The following ELP4 variants were observed in gnomAD, a reference collection of about 807,000 sequenced individuals.
ELP4 encodes elongator acetyltransferase complex subunit 4.
In ELP4, 51 loss-of-function variants were observed where a neutral mutation model predicts 48.9. The ratio of observed to expected loss-of-function variants is 1.04; its 90% confidence interval spans 0.83 to 1.32. ELP4 has a LOEUF of 1.32. ELP4 is among the 40% of genes most tolerant of loss of function. ELP4 has a pLI of 0.00. For missense variants in ELP4, 519 were observed against 514.6 expected, an observed-to-expected ratio of 1.01 and a Z score of -0.08; for synonymous variants, 210 against 189.2, an observed-to-expected ratio of 1.11 and a Z score of -0.90.
intron 9 of ELP4, among the ~76,000 whole-genome samples, chr11:31,761,450 A>AAG (rs1326621278): frequency 1.3e-5 from 2 of 152,190 alleles, no homozygotes; most frequent in Non-Finnish European, 2.9e-5. Flanking sequence ...ATGGAAATGG[A>AAG]AGGAGTCAAT....
intron 9 of ELP4, among the ~76,000 whole-genome samples, chr11:31,758,951 C>T (rs1178236650): frequency 6.6e-6 from 1 of 152,038 alleles, no homozygotes; most frequent in African/African-American, 2.4e-5. Context: ...ATTTTTAAAA[C>T]GTTTAATGAT....
intron 9 of ELP4, among the ~76,000 whole-genome samples, chr11:31,702,130 G>T (rs1946536699): frequency 6.6e-6 from 1 of 151,912 alleles, no homozygotes; most frequent in Non-Finnish European, 1.5e-5. Context: ...GAGATTTTGA[G>T]ATGTTGATTA....
intron 9 of ELP4, among the ~76,000 whole-genome samples, chr11:31,777,001 A>G (rs1282542676): frequency 1.3e-5 from 2 of 152,186 alleles, no homozygotes; most frequent in Non-Finnish European, 2.9e-5. Flanking sequence ...CCACTGGCCT[A>G]TTCATATATG....
intron 9 of ELP4, among the ~76,000 whole-genome samples, chr11:31,702,394 G>A (rs1473354726): frequency 2.6e-5 from 4 of 151,812 alleles, no homozygotes; most frequent in South Asian, 4.2e-4. Flanking sequence ...AGAGGAGAAT[G>A]GAATTTATTG....
chr11:31,544,852 C>A (rs1239661646), intron 3 of ELP4, among the ~76,000 whole-genome samples: 1 of 152,170 alleles, frequency 6.6e-6, no homozygotes, highest in Admixed American at 6.5e-5. Context: ...CACGAAAAAC[C>A]ACTGTTCTGC....
At chr11:31,581,684 C>A (rs1034459861) in intron 3 of ELP4, among the ~76,000 whole-genome samples, 1 of 151,912 alleles carries the variant, frequency 6.6e-6, no homozygotes, top group African/African-American at 2.4e-5. Context: ...ATCTAAAATA[C>A]CCTATTTCAG....
At chr11:31,694,414 T>G (rs1946353309) in intron 9 of ELP4, among the ~76,000 whole-genome samples, 1 of 152,238 alleles carries the variant, frequency 6.6e-6, no homozygotes, top group East Asian at 1.9e-4. Flanking sequence ...ATTTATTGAA[T>G]AGGGAATCCT....
At chr11:31,528,957 G>A (rs1462449943) in intron 2 of ELP4, among the ~76,000 whole-genome samples, 1 of 151,892 alleles carries the variant, frequency 6.6e-6, no homozygotes, top group East Asian at 1.9e-4. Flanking sequence ...GATTGCCCAG[G>A]TTTATACTTG....
chr11:31,754,885 C>T (rs1947800636), intron 9 of ELP4, among the ~76,000 whole-genome samples: 1 of 152,050 alleles, frequency 6.6e-6, no homozygotes, highest in Admixed American at 6.6e-5. Context: ...AATAAATCCT[C>T]TCCCTGGCCT....
At chr11:31,743,694 A>G (rs1401139637) in intron 9 of ELP4, among the ~76,000 whole-genome samples, 3 of 152,208 alleles carry the variant, frequency 2.0e-5, no homozygotes, top group Non-Finnish European at 4.4e-5. Context: ...GTTCTTTGCA[A>G]CCAACGAGAA....
intron 9 of ELP4, among the ~76,000 whole-genome samples, chr11:31,703,763 C>T (rs116569666): frequency 3.9e-5 from 6 of 152,028 alleles, no homozygotes; most frequent in Non-Finnish European, 7.4e-5. Flanking sequence ...CAAAGTGTTT[C>T]CTGATTGAAA....
chr11:31,550,441 A>T (rs942061161), intron 3 of ELP4, among the ~76,000 whole-genome samples: 1 of 152,194 alleles, frequency 6.6e-6, no homozygotes, highest in Admixed American at 6.5e-5. Context: ...TTATTTCAAA[A>T]CATAAGCTCC....
intron 5 of ELP4, among the ~76,000 whole-genome samples, chr11:31,617,685 CAAAGT>C (rs986989601): frequency 6.9e-6 from 1 of 144,082 alleles, no homozygotes; most frequent in Non-Finnish European, 1.5e-5. Context: ...AAGAAATACT[CAAAGT>C]AAAATGACAA....
intron 9 of ELP4, among the ~76,000 whole-genome samples, chr11:31,744,355 C>G (rs571494440): frequency 4.7e-4 from 72 of 152,250 alleles, no homozygotes; most frequent in Non-Finnish European, 8.7e-4. Flanking sequence ...CTATTCCAAT[C>G]AATAGAAAAA....
intron 7 of ELP4, among the ~76,000 whole-genome samples, chr11:31,644,777 C>T (rs1201547200): frequency 1.3e-5 from 2 of 151,656 alleles, no homozygotes; most frequent in African/African-American, 4.8e-5. Context: ...CTTGGAGGTG[C>T]AGAAGTAATC....
rs1957824688 is a variant in ELP4, at chr11:31,603,827, A to G, written c.573A>G (p.Pro191=). ...ATTATGATGCATCAAAAAGAATGCC[A>G]CAAGAACTAATTGAGGCTTCAAATT... ...GHYYDASKRM[P]QELIEASNWH... Residue 191 remains proline, a synonymous_variant, in exon 5 of 10, where the codon CCA becomes CCG. Transcript: ENST00000640961. 1 of 1,611,390 alleles carries G rather than the reference A, an allele frequency of 6.2e-7. No individual in the cohort carries two copies. The highest frequency in any genetic ancestry group is 1.3e-5 in the African/African-American group (1 of 74,856).
intron 2 of ELP4, among the ~76,000 whole-genome samples, chr11:31,538,694 A>G (rs1043664580): frequency 6.6e-6 from 1 of 151,772 alleles, no homozygotes; most frequent in Admixed American, 6.6e-5. Context: ...TATCTAATAT[A>G]AATGTATATT....
intron 9 of ELP4, among the ~76,000 whole-genome samples, chr11:31,700,602 A>G (rs1946501054): frequency 6.6e-6 from 1 of 152,120 alleles, no homozygotes; most frequent in Non-Finnish European, 1.5e-5. Context: ...AAGTAACAGA[A>G]CCAAGATCTC....
intron 5 of ELP4, among the ~76,000 whole-genome samples, chr11:31,609,440 G>A (rs1957934301): frequency 6.6e-6 from 1 of 152,052 alleles, no homozygotes; most frequent in South Asian, 2.1e-4. Context: ...GTTTTTTCCC[G>A]GGAGGTGGGG....
Sources: allele counts gnomAD v4.1 joint callset (sites outside exome capture counted in the v4.1 genomes callset), GRCh38; gene constraint gnomAD v4.1.1; transcripts MANE v1.5; gene names NCBI Gene and HGNC (gene_info 2026-07-23, HGNC 2026-07-21).